The following PCCA variants were observed in gnomAD, a reference collection of about 807,000 sequenced individuals.
PCCA encodes propionyl-CoA carboxylase subunit alpha, also known as propionyl-CoA carboxylase alpha chain, mitochondrial.
A neutral mutation model predicts 101.3 loss-of-function variants in PCCA; 74 were observed. The ratio of observed to expected loss-of-function variants is 0.73; its 90% CI spans 0.61 to 0.89. PCCA has a LOEUF of 0.89. Among genes scored for constraint, PCCA ranks in the 40% least tolerant of loss-of-function variants. The pLI is 0.00. For missense variants in PCCA, 891 were observed against 907.0 expected (o/e 0.98, Z 0.23); for synonymous variants, 294 against 313.6 (o/e 0.94, Z 0.66).
At chr13:100,462,235 C>T (rs2082210499) in intron 21 of PCCA, among the ~76,000 whole-genome samples, 1 of 152,082 alleles carries the variant, frequency 6.6e-6, no homozygotes, top group Admixed American at 6.5e-5. Flanking sequence ...TGTAACCAAG[C>T]TAAGAATGAA....
chr13:100,511,694 C>T (rs1374338784), intron 21 of PCCA, among the ~76,000 whole-genome samples: 2 of 152,214 alleles, frequency 1.3e-5, no homozygotes, highest in African/African-American at 4.8e-5. Context: ...CGGAGGTTGA[C>T]AGTGGCACTG....
chr13:100,153,808 A>G (rs1048989030), intron 4 of PCCA, among the ~76,000 whole-genome samples: 2 of 152,204 alleles, frequency 1.3e-5, no homozygotes, highest in Non-Finnish European at 2.9e-5. Flanking sequence ...TGGATATTTT[A>G]TAGTAAGATA....
chr13:100,331,520 A>C (rs993608635), intron 17 of PCCA, among the ~76,000 whole-genome samples: 1 of 152,174 alleles, frequency 6.6e-6, no homozygotes, highest in East Asian at 1.9e-4. Flanking sequence ...TGCATTTATA[A>C]AGCAGTTTTC....
chr13:100,485,833 C>T (rs573860627), intron 21 of PCCA, among the ~76,000 whole-genome samples: 7 of 152,138 alleles, frequency 4.6e-5, no homozygotes, highest in East Asian at 1.9e-4. Context: ...GAAATACAGA[C>T]GTTAAATAAT....
chr13:100,146,275 A>G (rs1398705664), intron 4 of PCCA, among the ~76,000 whole-genome samples: 1 of 151,018 alleles, frequency 6.6e-6, no homozygotes, highest in Non-Finnish European at 1.5e-5. Context: ...GTTGTATTAA[A>G]TTTAAAAATG....
chr13:100,472,524 G>A (rs1325138126), intron 21 of PCCA, among the ~76,000 whole-genome samples: 3 of 152,152 alleles, frequency 2.0e-5, no homozygotes, highest in African/African-American at 7.2e-5. Context: ...CTAAGAGAAG[G>A]GGGCACACCC....
chr13:100,518,432 A>C (rs966189849), intron 22 of PCCA, among the ~76,000 whole-genome samples: 5 of 152,216 alleles, frequency 3.3e-5, no homozygotes, highest in African/African-American at 1.2e-4. Context: ...GCACTGATTC[A>C]TTTGAAACAC....
At chr13:100,381,373 A>G (rs2076216425) in intron 19 of PCCA, among the ~76,000 whole-genome samples, 1 of 149,342 alleles carries the variant, frequency 6.7e-6, no homozygotes, top group African/African-American at 2.5e-5. Context: ...TGGGCGATAG[A>G]GCGAGACTCC....
chr13:100,323,856 A>G (rs542014570), intron 16 of PCCA, among the ~76,000 whole-genome samples: 9 of 152,210 alleles, frequency 5.9e-5, no homozygotes, highest in Non-Finnish European at 1.2e-4. Flanking sequence ...GTTAATTTAC[A>G]AATGAGGAAA....
chr13:100,420,795 C>T (rs938954699), intron 19 of PCCA, among the ~76,000 whole-genome samples: 1 of 152,038 alleles, frequency 6.6e-6, no homozygotes, highest in Non-Finnish European at 1.5e-5. Flanking sequence ...CACCTGTTAA[C>T]TCAAATGCAG....
chr13:100,244,966 C>T (rs939967218), intron 8 of PCCA, among the ~76,000 whole-genome samples: 15 of 135,568 alleles, frequency 1.1e-4, no homozygotes, highest in East Asian at 2.2e-4. Flanking sequence ...TGTGTGTGTG[C>T]GCAGTAGTAG....
intron 21 of PCCA, among the ~76,000 whole-genome samples, chr13:100,475,772 C>T (rs1008400091): frequency 6.6e-6 from 1 of 152,182 alleles, no homozygotes; most frequent in African/African-American, 2.4e-5. Flanking sequence ...GCAATGGGAG[C>T]GATCCAGTTC....
At chr13:100,384,605 T>G (rs921311786) in intron 19 of PCCA, among the ~76,000 whole-genome samples, 18 of 152,314 alleles carry the variant, frequency 1.2e-4, no homozygotes, top group African/African-American at 3.6e-4. Context: ...TGTGGTTCTT[T>G]TAAAGAGTTA....
At chr13:100,430,481 C>T (rs2079470864) in intron 20 of PCCA, among the ~76,000 whole-genome samples, 1 of 152,076 alleles carries the variant, frequency 6.6e-6, no homozygotes, top group South Asian at 2.1e-4. Flanking sequence ...TTGTAATTGC[C>T]CCCATCCTCT....
intron 14 of PCCA, among the ~76,000 whole-genome samples, chr13:100,305,179 G>A (rs1024835568): frequency 6.6e-6 from 1 of 152,100 alleles, no homozygotes; most frequent in East Asian, 1.9e-4. Flanking sequence ...TTTTAATTGG[G>A]AATACTGATT....
intron 20 of PCCA, among the ~76,000 whole-genome samples, chr13:100,439,285 A>T (rs1206614370): frequency 6.6e-6 from 1 of 152,224 alleles, no homozygotes; most frequent in African/African-American, 2.4e-5. Context: ...TTTAAACAGA[A>T]GATGAATTTA....
At position 100,348,979 on chromosome 13, in the gene PCCA, C is replaced by T. The variant is rs534840528; in HGVS notation, c.1643+8720C>T. 3.3e-5 allele frequency among the ~76,000 whole-genome samples: 3 copies of T among 91,486 alleles called. No homozygotes were observed. In the South Asian group the frequency reaches 8.8e-4, roughly 27 times the overall value. 60.0% of individuals were successfully genotyped at this position (91,486 alleles called of 152,430 possible). ...TTCTTTCTTTCCTCAGTCTTGCTCT[C>T]TCATCCGGGCTGGAGTACAGTGGTG... is the stretch of plus-strand genomic sequence containing the variant. On this transcript the variant is annotated intron_variant, in intron 18 of 23. Transcript: ENST00000376285.
chr13:100,478,709 C>G (rs544468225), intron 21 of PCCA, among the ~76,000 whole-genome samples: 1 of 152,310 alleles, frequency 6.6e-6, no homozygotes, highest in Non-Finnish European at 1.5e-5. Context: ...GACTCCTCAC[C>G]TCCTAAGCAG....
intron 18 of PCCA, among the ~76,000 whole-genome samples, chr13:100,354,808 A>G (rs1354286701): frequency 6.6e-6 from 1 of 152,196 alleles, no homozygotes; most frequent in Non-Finnish European, 1.5e-5. Flanking sequence ...AAAGTAGGAA[A>G]TCCGAATAGA....
Sources: allele counts gnomAD v4.1 joint callset (sites outside exome capture counted in the v4.1 genomes callset), GRCh38; gene constraint gnomAD v4.1.1; transcripts MANE v1.5; gene names NCBI Gene and HGNC (gene_info 2026-07-23, HGNC 2026-07-21).